Variants in CEP128 observed in about 807,000 individuals in gnomAD.
CEP128 encodes centrosomal protein 128kDa.
A neutral mutation model predicts 156.7 loss-of-function variants in CEP128; 132 were observed. The observed-to-expected ratio is 0.84, with a 90% CI of 0.73 to 0.97. The LOEUF is 0.97. CEP128 is among the 50% of genes least tolerant of loss of function. The pLI is 0.00. For synonymous variants in CEP128, 469 were observed against 448.9 expected (o/e 1.04, Z -0.57); for missense variants, 1,252 against 1,281.9 (o/e 0.98, Z 0.36).
At chr14:80,720,371 C>A (rs932193360) in intron 19 of CEP128, among the ~76,000 whole-genome samples, 5 of 152,056 alleles carry the variant, frequency 3.3e-5, no homozygotes, top group African/African-American at 1.2e-4. Context: ...ATGAATACTG[C>A]AAGCTGCTGA....
At chr14:80,507,871 G>A (rs773962175) in intron 23 of CEP128, among the ~76,000 whole-genome samples, 12 of 152,162 alleles carry the variant, frequency 7.9e-5, no homozygotes, top group Non-Finnish European at 1.3e-4. Flanking sequence ...TGGCATCAAA[G>A]CATTGGTTAT....
In CEP128 at chr14:80,656,518, C is replaced by T. The variant is rs957155822; in HGVS notation, c.2807-76095G>A. 1.8e-4 allele frequency among the ~76,000 whole-genome samples: 27 copies of T among 150,920 alleles called. No individual in the cohort carries two copies. In the East Asian group the frequency reaches 4.9e-3, roughly 27 times the overall value. ...AATTAGGACTGAAAAGATTGAACTC[C>T]GTTTTGTTTTCTCCACCTGAAAAGT... On this transcript the variant is annotated intron_variant, in intron 19 of 24. Transcript: ENST00000555265.
At chr14:80,807,425 G>A (rs1241229729) in intron 13 of CEP128, among the ~76,000 whole-genome samples, 1 of 152,168 alleles carries the variant, frequency 6.6e-6, no homozygotes. Flanking sequence ...ATTACAAATA[G>A]AGTCTCATAC....
chr14:80,780,176 C>T (rs1901030255), intron 15 of CEP128, among the ~76,000 whole-genome samples: 1 of 151,968 alleles, frequency 6.6e-6, no homozygotes, highest in African/African-American at 2.4e-5. Context: ...ATATGGATGG[C>T]TTATCAGAGC....
chr14:80,690,909 T>G (rs1385761613), intron 19 of CEP128, among the ~76,000 whole-genome samples: 5 of 152,304 alleles, frequency 3.3e-5, no homozygotes, highest in Non-Finnish European at 7.4e-5. Flanking sequence ...TTTAAATATT[T>G]GCCACATAAG....
rs188105849 is a variant in CEP128 at position 80,749,902 on chromosome 14, T to C, written c.2614-6635A>G. Among the ~76,000 whole-genome samples, 150 of 152,210 alleles carry C rather than the reference T, an allele frequency of 9.9e-4. 3 individuals carry two copies. The highest frequency in any genetic ancestry group is 9.8e-3 in the Admixed American group (150 of 15,276). On this transcript the variant is annotated intron_variant, in intron 18 of 24. Transcript: ENST00000555265. ...TAGCAGATTACAAATTAAACAACTT[T>C]GGCAAACAAAAGAAATATATAAGCA...
intron 19 of CEP128, among the ~76,000 whole-genome samples, chr14:80,620,469 AG>A (rs948591918): frequency 1.8e-4 from 27 of 152,196 alleles, no homozygotes; most frequent in African/African-American, 6.5e-4. Flanking sequence ...ATGGGCAAAA[AG>A]ATCTTAGGGA....
intron 19 of CEP128, among the ~76,000 whole-genome samples, chr14:80,631,984 C>G (rs1893977694): frequency 6.6e-6 from 1 of 152,026 alleles, no homozygotes; most frequent in African/African-American, 2.4e-5. Context: ...TAAGGTTGAC[C>G]TGACTCTAAA....
intron 20 of CEP128, among the ~76,000 whole-genome samples, chr14:80,561,917 T>TATATATATATATATATATA (rs1463564179): frequency 3.4e-5 from 5 of 148,094 alleles, no homozygotes; most frequent in African/African-American, 1.0e-4. Flanking sequence ...TATATATTTG[T>TATATATATATATATATATA]TTTGTTTTGT....
chr14:80,722,821 C>CTTTTTTTTTT (rs142796338), intron 19 of CEP128, among the ~76,000 whole-genome samples: 1 of 103,980 alleles, frequency 9.6e-6, no homozygotes, highest in Non-Finnish European at 1.8e-5. Flanking sequence ...TACTCTTTAT[C>CTTTTTTTTTT]TTTTTTTTTT....
At chr14:80,652,201 A>T (rs1193553920) in intron 19 of CEP128, among the ~76,000 whole-genome samples, 1 of 152,130 alleles carries the variant, frequency 6.6e-6, no homozygotes, top group Admixed American at 6.6e-5. Flanking sequence ...ATCAGGCTGG[A>T]TTAAAGACCT....
intron 19 of CEP128, among the ~76,000 whole-genome samples, chr14:80,654,568 T>C (rs929626949): frequency 6.6e-6 from 1 of 152,186 alleles, no homozygotes; most frequent in African/African-American, 2.4e-5. Context: ...CTTCCTTCAC[T>C]TATTCAATTC....
chr14:80,506,408 T>G (rs1328431942), intron 23 of CEP128, among the ~76,000 whole-genome samples: 2 of 64,082 alleles, frequency 3.1e-5, no homozygotes, highest in East Asian at 1.4e-3. Context: ...AAGCTTTGAT[T>G]TATTTTTTTT....
chr14:80,564,534 T>A (rs1566783043), intron 20 of CEP128, among the ~76,000 whole-genome samples: 1 of 152,232 alleles, frequency 6.6e-6, no homozygotes, highest in Non-Finnish European at 1.5e-5. Context: ...AAATTATAAC[T>A]GAGGAAATTA....
At chr14:80,651,119 AT>A (rs1486855151) in intron 19 of CEP128, among the ~76,000 whole-genome samples, 1 of 152,120 alleles carries the variant, frequency 6.6e-6, no homozygotes, top group East Asian at 1.9e-4. Flanking sequence ...CTATTCAGGG[AT>A]TCAACTTCTT....
At chr14:80,805,584 A>C (rs557979276) in intron 13 of CEP128, among the ~76,000 whole-genome samples, 1 of 152,318 alleles carries the variant, frequency 6.6e-6, no homozygotes, top group African/African-American at 2.4e-5. Flanking sequence ...TTTCACCTGA[A>C]ATTTTCAGAT....
intron 2 of CEP128, among the ~76,000 whole-genome samples, chr14:80,949,429 A>G (rs1406605544): frequency 6.6e-6 from 1 of 152,156 alleles, no homozygotes; most frequent in Non-Finnish European, 1.5e-5. Context: ...TCAGCAGAGT[A>G]CTAATCATTA....
At chr14:80,599,129 G>A (rs1892468460) in intron 19 of CEP128, among the ~76,000 whole-genome samples, 1 of 152,082 alleles carries the variant, frequency 6.6e-6, no homozygotes, top group Admixed American at 6.5e-5. Flanking sequence ...TAAAAATTCA[G>A]AAGTATTTTG....
chr14:80,490,242 G>A (rs1435703482), downstream of CEP128, among the ~76,000 whole-genome samples: 3 of 152,200 alleles, frequency 2.0e-5, no homozygotes, highest in South Asian at 2.1e-4. Context: ...CGACATTGAG[G>A]TAAAGCTGGA....
Sources: allele counts gnomAD v4.1 joint callset (sites outside exome capture counted in the v4.1 genomes callset), GRCh38; gene constraint gnomAD v4.1.1; transcripts MANE v1.5; gene names NCBI Gene and HGNC (gene_info 2026-07-23, HGNC 2026-07-21).